Variants in GREB1L observed in about 807,000 individuals in gnomAD.
GREB1L encodes GREB1 like retinoic acid receptor coactivator.
A neutral mutation model predicts 200.8 loss-of-function variants in GREB1L; 17 were observed. That is an observed-to-expected ratio of 0.08 (90% confidence interval 0.06 to 0.13). The LOEUF (loss-of-function observed/expected upper bound fraction) is 0.13. Among genes scored for constraint, GREB1L ranks in the 10% least tolerant of loss-of-function variants. The probability of loss-of-function intolerance (pLI) is 1.00; values close to 1 mark genes in which losing one functional copy is unlikely to be tolerated. For synonymous variants in GREB1L, 789 were observed against 893.0 expected, an observed-to-expected ratio of 0.88 and a Z score of 2.08; for missense variants, 1,657 against 2,367.7, an observed-to-expected ratio of 0.70 and a Z score of 6.23.
intron 7 of GREB1L, among the ~76,000 whole-genome samples, chr18:21,415,171 G>A (rs1339458073): frequency 6.6e-6 from 1 of 152,170 alleles, no homozygotes; most frequent in Admixed American, 6.5e-5. Context: ...GTTCAACATA[G>A]TATTACTTGG....
At chr18:21,339,731 T>C (rs111496279) in intron 1 of GREB1L, among the ~76,000 whole-genome samples, 4 of 152,350 alleles carry the variant, frequency 2.6e-5, no homozygotes, top group African/African-American at 9.6e-5. Flanking sequence ...ATTTAGACAT[T>C]GGTTATGTCT....
At chr18:21,408,267 C>A (rs1031149846) in intron 7 of GREB1L, among the ~76,000 whole-genome samples, 7 of 152,084 alleles carry the variant, frequency 4.6e-5, no homozygotes, top group Admixed American at 3.9e-4. Flanking sequence ...GAAAAGACAC[C>A]ATCAAGAAAT....
At chr18:21,401,475 T>C in intron 6 of GREB1L, 149 bp downstream of exon 6, 1 of 625,290 alleles carries the variant, frequency 1.6e-6, no homozygotes, top group Non-Finnish European at 2.7e-6. Context: ...TCTGGTAGGT[T>C]ATTTGACTTG....
chr18:21,277,970 G>C (rs1430567235), intron 1 of GREB1L, among the ~76,000 whole-genome samples: 1 of 152,156 alleles, frequency 6.6e-6, no homozygotes, highest in Non-Finnish European at 1.5e-5. Flanking sequence ...TTACTCTAGG[G>C]CCTGCTGATA....
intron 1 of GREB1L, among the ~76,000 whole-genome samples, chr18:21,259,560 C>G (rs974467278): frequency 6.6e-6 from 1 of 152,012 alleles, no homozygotes; most frequent in Non-Finnish European, 1.5e-5. Flanking sequence ...AACCATGTTC[C>G]TCAAACCATT....
intron 1 of GREB1L, among the ~76,000 whole-genome samples, chr18:21,288,718 C>T (rs1182149478): frequency 6.6e-6 from 1 of 151,504 alleles, no homozygotes; most frequent in African/African-American, 2.4e-5. Context: ...TGGCATAGAA[C>T]TTGTAAGGCT....
intron 1 of GREB1L, among the ~76,000 whole-genome samples, chr18:21,283,300 A>T (rs1481888253): frequency 6.6e-6 from 1 of 152,240 alleles, no homozygotes; most frequent in Non-Finnish European, 1.5e-5. Flanking sequence ...GATCCAAAAG[A>T]GTGAAGAAAG....
chr18:21,242,790 C>G (rs1026123628), intron 1 of GREB1L, among the ~76,000 whole-genome samples: 2 of 152,112 alleles, frequency 1.3e-5, no homozygotes, highest in Admixed American at 6.5e-5. Context: ...GCGCGGGGTC[C>G]CCCGGCGGAG....
At chr18:21,301,780 A>G (rs2038621115) in intron 1 of GREB1L, among the ~76,000 whole-genome samples, 1 of 152,218 alleles carries the variant, frequency 6.6e-6, no homozygotes, top group Non-Finnish European at 1.5e-5. Context: ...CTAATCTTGA[A>G]TATTTATTCA....
At chr18:21,450,488 G>A (rs1329496986) in intron 12 of GREB1L, among the ~76,000 whole-genome samples, 3 of 152,180 alleles carry the variant, frequency 2.0e-5, no homozygotes, top group African/African-American at 7.2e-5. Context: ...CCATTTTTCT[G>A]TGCTACATGT....
intron 7 of GREB1L, among the ~76,000 whole-genome samples, chr18:21,413,410 G>C (rs2144736291): frequency 6.6e-6 from 1 of 152,086 alleles, no homozygotes; most frequent in South Asian, 2.1e-4. Context: ...TCCCTCTCTA[G>C]GTGCATCAAA....
chr18:21,342,699 A>T (rs1383022501), intron 1 of GREB1L, among the ~76,000 whole-genome samples: 1 of 152,126 alleles, frequency 6.6e-6, no homozygotes, highest in African/African-American at 2.4e-5. Context: ...AATGGGACTC[A>T]CCACCCTGGC....
At chr18:21,385,867 G>A (rs893135321) in intron 4 of GREB1L, among the ~76,000 whole-genome samples, 1 of 152,166 alleles carries the variant, frequency 6.6e-6, no homozygotes, top group African/African-American at 2.4e-5. Context: ...CAAAACATGG[G>A]AGAGAGGTTT....
intron 4 of GREB1L, among the ~76,000 whole-genome samples, chr18:21,389,142 C>T (rs1301806314): frequency 6.6e-6 from 1 of 152,110 alleles, no homozygotes; most frequent in Non-Finnish European, 1.5e-5. Context: ...CCTGGGAATT[C>T]ATCTCTTCTC....
At chr18:21,484,420 G>C (rs1022434383) in intron 17 of GREB1L, among the ~76,000 whole-genome samples, 1 of 152,100 alleles carries the variant, frequency 6.6e-6, no homozygotes, top group South Asian at 2.1e-4. Flanking sequence ...GTTTACGGGC[G>C]TGAGCCACTG....
At chr18:21,280,033 A>G (rs996538723) in intron 1 of GREB1L, among the ~76,000 whole-genome samples, 40 of 152,220 alleles carry the variant, frequency 2.6e-4, no homozygotes, top group African/African-American at 9.6e-4. Flanking sequence ...GAATATTTAC[A>G]CATTATTAAC....
intron 1 of GREB1L, among the ~76,000 whole-genome samples, chr18:21,345,743 G>A (rs1300867023): frequency 6.6e-6 from 1 of 151,960 alleles, no homozygotes; most frequent in Non-Finnish European, 1.5e-5. Context: ...ATGGTGGCAT[G>A]TGCCTGTAAT....
chr18:21,436,669 GGTGTGTGT>G lies in GREB1L; in HGVS notation c.833-2811_833-2804del, dbSNP rs71178172. 3.7e-3 allele frequency among the ~76,000 whole-genome samples: 484 copies of G among 132,528 alleles called. 2 individuals carry two copies. Among genetic ancestry groups the G allele is most frequent in the Middle Eastern group, 7.9e-3 (2 of 252 alleles). The allele number at this position is 132,528 out of a possible 152,430, so 86.9% of individuals were successfully genotyped here. ...AGATAGAATCCCAGAAAAGTTCAGT[GGTGTGTGT>G]GTGTGTGTGTGTGTGTGTGTGTGTG... On this transcript the variant is annotated intron_variant, in intron 7 of 32. Coordinates refer to ENST00000424526, the MANE Select transcript of GREB1L (RefSeq NM_001142966.3).
chr18:21,524,135 C>T lies in GREB1L; in HGVS notation c.*1314C>T, dbSNP rs1193852589. The T allele has an allele frequency of 6.6e-6, 1 of 152,148 alleles. No individual in the cohort carries two copies. Among genetic ancestry groups the T allele is most frequent in the Non-Finnish European group, 1.5e-5 (1 of 68,018 alleles). The allele number at this position is 152,148 out of a possible 1,614,324, so 9.4% of individuals were successfully genotyped here. A position where few individuals can be genotyped will look rare whatever the true frequency, so the allele number is the denominator to read the frequency against. ...CATTAGCCCATATTTACTACTTTATCCCCACTTAAAATGGCCATTTTTACT... is the reference window on the plus strand; with the variant it reads ...CATTAGCCCATATTTACTACTTTATTCCCACTTAAAATGGCCATTTTTACT... On this transcript the variant is annotated 3_prime_UTR_variant, in exon 33 of 33. Coordinates refer to ENST00000424526, the MANE Select transcript of GREB1L (RefSeq NM_001142966.3).
Sources: allele counts gnomAD v4.1 joint callset (sites outside exome capture counted in the v4.1 genomes callset), GRCh38; gene constraint gnomAD v4.1.1; transcripts MANE v1.5; gene names NCBI Gene and HGNC (gene_info 2026-07-23, HGNC 2026-07-21).